KCNH7: variants seen among roughly 807,000 people sequenced by gnomAD.
The protein encoded by KCNH7 is voltage-gated inwardly rectifying potassium channel KCNH7.
Under a neutral mutation model 120.8 loss-of-function variants are expected in KCNH7, and 49 were observed. The ratio of observed to expected loss-of-function variants is 0.41; its 90% confidence interval spans 0.32 to 0.51. KCNH7 has a LOEUF of 0.51. Ranked by LOEUF, KCNH7 falls within the 20% of genes least tolerant of loss-of-function variation. KCNH7 has a pLI of 0.38. For synonymous variants in KCNH7, 547 were observed against 516.1 expected (o/e 1.06, Z -0.81); for missense variants, 1,097 against 1,446.6 (o/e 0.76, Z 3.92).
chr2:162,756,403 T>C (rs1322705676), intron 2 of KCNH7, among the ~76,000 whole-genome samples: 2 of 152,172 alleles, frequency 1.3e-5, no homozygotes, highest in African/African-American at 2.4e-5. Flanking sequence ...GATGTGACAC[T>C]TCTCCCAATT....
intron 6 of KCNH7, among the ~76,000 whole-genome samples, chr2:162,498,635 G>C (rs955503792): frequency 6.6e-6 from 1 of 151,972 alleles, no homozygotes; most frequent in African/African-American, 2.4e-5. Flanking sequence ...TGGTGTGACT[G>C]TCAGTCAAGG....
intron 6 of KCNH7, among the ~76,000 whole-genome samples, chr2:162,489,794 A>T (rs1283424732): frequency 6.6e-6 from 1 of 152,192 alleles, no homozygotes; most frequent in Admixed American, 6.5e-5. Flanking sequence ...ATTGGATAGG[A>T]ATTTCTGTTT....
chr2:162,663,467 T>G (rs935654704), intron 2 of KCNH7, among the ~76,000 whole-genome samples: 14 of 152,168 alleles, frequency 9.2e-5, no homozygotes, highest in African/African-American at 2.7e-4. Context: ...CTTTTTCACT[T>G]TCCTCTTACA....
intron 14 of KCNH7, among the ~76,000 whole-genome samples, chr2:162,375,043 C>A (rs112504589): frequency 6.6e-6 from 1 of 152,140 alleles, no homozygotes; most frequent in Admixed American, 6.5e-5. Flanking sequence ...TTTCATTTCA[C>A]TCTTCAAGTC....
intron 2 of KCNH7, among the ~76,000 whole-genome samples, chr2:162,553,469 G>GGTCTCTACT (rs1370112156): frequency 2.0e-5 from 3 of 152,116 alleles, no homozygotes; most frequent in Non-Finnish European, 4.4e-5. Flanking sequence ...CTAACATGGT[G>GGTCTCTACT]AAACCCCGTC....
At chr2:162,799,250 C>T (rs1207968402) in intron 2 of KCNH7, among the ~76,000 whole-genome samples, 1 of 151,868 alleles carries the variant, frequency 6.6e-6, no homozygotes, top group East Asian at 1.9e-4. Flanking sequence ...ATTCAATGCT[C>T]AAATATAGCA....
intron 2 of KCNH7, among the ~76,000 whole-genome samples, chr2:162,578,501 C>T (rs937652139): frequency 2.0e-5 from 3 of 151,954 alleles, no homozygotes; most frequent in African/African-American, 7.2e-5. Context: ...TTTGGGCTCA[C>T]TGTTCTATGA....
At chr2:162,423,186 A>T in intron 9 of KCNH7, 150 bp downstream of exon 9, 2 of 1,510,486 alleles carry the variant, frequency 1.3e-6, no homozygotes, top group South Asian at 2.5e-5. Context: ...TGAATTGAGA[A>T]TGAGAGACTA....
intron 12 of KCNH7, among the ~76,000 whole-genome samples, chr2:162,393,702 G>A (rs933251853): frequency 6.6e-6 from 1 of 151,852 alleles, no homozygotes; most frequent in African/African-American, 2.4e-5. Flanking sequence ...GCTTCTTCAG[G>A]AAAACTTTTT....
chr2:162,711,336 A>G (rs915578894), intron 2 of KCNH7, among the ~76,000 whole-genome samples: 2 of 152,228 alleles, frequency 1.3e-5, no homozygotes, highest in Admixed American at 6.5e-5. Context: ...CCATTAATCT[A>G]TTAGTCTCTG....
intron 2 of KCNH7, among the ~76,000 whole-genome samples, chr2:162,808,635 T>C (rs1015669724): frequency 2.0e-5 from 3 of 152,160 alleles, no homozygotes; most frequent in Non-Finnish European, 4.4e-5. Context: ...TTTGAAAATA[T>C]GAATCACCAT....
intron 12 of KCNH7, among the ~76,000 whole-genome samples, chr2:162,392,020 C>T (rs1241229992): frequency 6.6e-6 from 1 of 151,878 alleles, no homozygotes; most frequent in Non-Finnish European, 1.5e-5. Context: ...ATAATTAGTC[C>T]AATTCAAGAA....
intron 2 of KCNH7, among the ~76,000 whole-genome samples, chr2:162,622,325 G>T (rs1330982688): frequency 1.3e-5 from 2 of 152,132 alleles, no homozygotes; most frequent in East Asian, 3.9e-4. Context: ...TGAGGGAAAA[G>T]GAAAAGGATA....
chr2:162,650,826 A>C (rs1243652365), intron 2 of KCNH7, among the ~76,000 whole-genome samples: 1 of 152,100 alleles, frequency 6.6e-6, no homozygotes, highest in African/African-American at 2.4e-5. Context: ...GAGGCATTCC[A>C]CCAATATTCA....
chr2:162,776,129 A>G (rs570498019), intron 2 of KCNH7, among the ~76,000 whole-genome samples: 5 of 152,178 alleles, frequency 3.3e-5, no homozygotes, highest in Non-Finnish European at 7.3e-5. Context: ...CCGTTCTCTC[A>G]TTTATTTAGC....
intron 3 of KCNH7, chr2:162,528,043 G>A (rs1691775758): frequency 6.6e-6 from 1 of 151,966 alleles, no homozygotes; most frequent in Admixed American, 6.6e-5. Flanking sequence ...CACATTGCAA[G>A]GTGATGCTGA....
intron 2 of KCNH7, among the ~76,000 whole-genome samples, chr2:162,769,975 T>C (rs305687): frequency 0.47 from 71,090 of 151,860 alleles, 19,875 homozygotes; most frequent in African/African-American, 0.79. Context: ...AAAAGCAAAG[T>C]GATGCTCTTG....
At chr2:162,432,163 T>C (rs567151380) in intron 8 of KCNH7, among the ~76,000 whole-genome samples, 2 of 152,046 alleles carry the variant, frequency 1.3e-5, no homozygotes, top group Non-Finnish European at 2.9e-5. Context: ...CTAAAGCAGA[T>C]GACCCCTATA....
At chr2:162,715,946 T>TTGTGTGTGTGTGTG (rs55649777) in intron 2 of KCNH7, among the ~76,000 whole-genome samples, 1 of 146,396 alleles carries the variant, frequency 6.8e-6, no homozygotes, top group African/African-American at 2.5e-5. Flanking sequence ...GAGCATGTCT[T>TTGTGTGTGTGTGTG]TGTGTGTGTG....
Sources: allele counts gnomAD v4.1 joint callset (sites outside exome capture counted in the v4.1 genomes callset), GRCh38; gene constraint gnomAD v4.1.1; transcripts MANE v1.5; gene names NCBI Gene and HGNC (gene_info 2026-07-23, HGNC 2026-07-21).